PLXDC2: variants seen among roughly 807,000 people sequenced by gnomAD.
PLXDC2 encodes the protein plexin domain containing 2, also known as plexin domain-containing protein 2.
A neutral mutation model predicts 68.9 loss-of-function variants in PLXDC2; 40 were observed. That is an observed-to-expected ratio of 0.58 (90% CI 0.45 to 0.76). The LOEUF is 0.76. Among genes scored for constraint, PLXDC2 ranks in the 30% least tolerant of loss-of-function variants. The pLI is 0.00. For synonymous variants in PLXDC2, 243 were observed against 234.2 expected (o/e 1.04, Z -0.34); for missense variants, 644 against 661.9 (o/e 0.97, Z 0.30).
chr10:20,010,977 C>T (rs1363454160), intron 2 of PLXDC2, among the ~76,000 whole-genome samples: 3 of 152,158 alleles, frequency 2.0e-5, no homozygotes, highest in South Asian at 2.1e-4. Context: ...ATTTTGCAAA[C>T]ATATTTCTCT....
intron 9 of PLXDC2, among the ~76,000 whole-genome samples, chr10:20,198,476 G>A (rs938062800): frequency 2.0e-5 from 3 of 151,894 alleles, no homozygotes; most frequent in Non-Finnish European, 4.4e-5. Flanking sequence ...TGGGTACATG[G>A]TAGGTGTATA....
intron 4 of PLXDC2, among the ~76,000 whole-genome samples, chr10:20,109,564 T>C (rs1319713591): frequency 6.6e-6 from 1 of 152,190 alleles, no homozygotes; most frequent in African/African-American, 2.4e-5. Context: ...TTTGTAAGCT[T>C]AGCTCCATAA....
intron 4 of PLXDC2, among the ~76,000 whole-genome samples, chr10:20,120,211 G>C (rs915448115): frequency 9.2e-5 from 14 of 152,276 alleles, no homozygotes; most frequent in Admixed American, 7.2e-4. Context: ...CTGGTGTCTG[G>C]AATGAGACTG....
chr10:20,128,523 T>G (rs1474425962), intron 4 of PLXDC2, among the ~76,000 whole-genome samples: 1 of 152,172 alleles, frequency 6.6e-6, no homozygotes, highest in Admixed American at 6.5e-5. Flanking sequence ...ACACGTAAGA[T>G]CTATTCTTTT....
Position 20,220,790 on chromosome 10 carries a change from G to A in PLXDC2, c.1312+1688G>A, listed in dbSNP as rs998787754. ...ATGCATCCTGAGTAATCTTCAAGAC[G>A]GTTATGAAGAATTCATACTGGCATG... On this transcript the variant is annotated intron_variant, in intron 12 of 13. Coordinates refer to ENST00000377252, the MANE Select transcript of PLXDC2 (RefSeq NM_032812.9). Among the ~76,000 whole-genome samples the A allele has an allele frequency of 2.7e-4, 40 of 150,720 alleles. 1 individual carries two copies. Among genetic ancestry groups the A allele is most frequent in the Middle Eastern group, 3.6e-3 (1 of 280 alleles).
At chr10:20,026,419 G>A (rs1375770914) in intron 2 of PLXDC2, among the ~76,000 whole-genome samples, 1 of 152,034 alleles carries the variant, frequency 6.6e-6, no homozygotes, top group Non-Finnish European at 1.5e-5. Context: ...CCAATAAGAA[G>A]TCCAAACTGG....
chr10:19,836,004 T>C (rs1164834701), intron 1 of PLXDC2, among the ~76,000 whole-genome samples: 1 of 151,930 alleles, frequency 6.6e-6, no homozygotes, highest in Non-Finnish European at 1.5e-5. Flanking sequence ...AGACCCCATC[T>C]CTACAAAAAT....
chr10:19,969,739 G>A (rs1436160256), intron 1 of PLXDC2, among the ~76,000 whole-genome samples: 1 of 152,154 alleles, frequency 6.6e-6, no homozygotes, highest in African/African-American at 2.4e-5. Context: ...TCAGTAATTT[G>A]TCAGAAAAGC....
chr10:20,191,954 G>T (rs912780043), intron 9 of PLXDC2, among the ~76,000 whole-genome samples: 4 of 151,892 alleles, frequency 2.6e-5, no homozygotes, highest in Non-Finnish European at 5.9e-5. Flanking sequence ...TTTACTATGT[G>T]CCACACATTC....
chr10:20,122,542 G>A lies in PLXDC2; in HGVS notation c.542-20753G>A, dbSNP rs1036095757. ...ACAGTCCGATTTCCAGTGGAGTCCC[G>A]CACAGATGGGACGCGGCTTAGGAGG... On this transcript the variant is annotated intron_variant, in intron 4 of 13. Transcript: ENST00000377252. Among the ~76,000 whole-genome samples, 14 of 152,324 alleles carry A rather than the reference G, an allele frequency of 9.2e-5. No homozygotes were observed. The South Asian group carries it at 1.4e-3, about 16-fold the overall frequency.
chr10:20,005,428 C>G (rs1406626357), intron 2 of PLXDC2, among the ~76,000 whole-genome samples: 2 of 152,100 alleles, frequency 1.3e-5, no homozygotes, highest in Non-Finnish European at 2.9e-5. Flanking sequence ...GTTGCGGAAA[C>G]AAAAATCTAC....
rs1564656425 is a variant in PLXDC2 at position 20,012,336 on chromosome 10, G to GTTTTTTTTT, written c.324+10350_324+10351insTTTTTTTTT. On this transcript the variant is annotated intron_variant, in intron 2 of 13. Transcript: ENST00000377252. ...TTTTTTTTTTTTTTTTTTTTTTTTG[G>GTTTTTTTTT]AGAAGGAGACTTGCTGTGTTTCCCA... Among the ~76,000 whole-genome samples, 22 of 33,160 alleles carry GTTTTTTTTT rather than the reference G, an allele frequency of 6.6e-4. 9 individuals carry two copies. Among genetic ancestry groups the GTTTTTTTTT allele is most frequent in the Admixed American group, 1.4e-3 (3 of 2,082 alleles). The allele number at this position is 33,160 out of a possible 152,430, so 21.8% of individuals were successfully genotyped here.
At chr10:19,960,916 G>A (rs1834145624) in intron 1 of PLXDC2, among the ~76,000 whole-genome samples, 1 of 152,200 alleles carries the variant, frequency 6.6e-6, no homozygotes, top group East Asian at 1.9e-4. Context: ...ATCAATGGAG[G>A]CTTAAGTGTA....
At chr10:19,903,813 G>A (rs895511582) in intron 1 of PLXDC2, among the ~76,000 whole-genome samples, 1 of 151,500 alleles carries the variant, frequency 6.6e-6, no homozygotes. Context: ...TTTGATGTAG[G>A]CATGAATGCT....
intron 3 of PLXDC2, among the ~76,000 whole-genome samples, chr10:20,057,002 T>G (rs1836009661): frequency 6.6e-6 from 1 of 152,128 alleles, no homozygotes; most frequent in African/African-American, 2.4e-5. Flanking sequence ...ATGTCTCAGG[T>G]GCAATAAACA....
At chr10:20,223,513 A>G (rs1835245720) in intron 12 of PLXDC2, among the ~76,000 whole-genome samples, 1 of 151,874 alleles carries the variant, frequency 6.6e-6, no homozygotes, top group African/African-American at 2.4e-5. Context: ...GGTTTCCACC[A>G]TGTTGGCCAG....
chr10:20,080,307 G>T (rs1217139418), intron 4 of PLXDC2, among the ~76,000 whole-genome samples: 1 of 152,126 alleles, frequency 6.6e-6, no homozygotes, highest in African/African-American at 2.4e-5. Flanking sequence ...ATATGAAGGG[G>T]AGTTTATCAA....
chr10:20,202,664 G>A (rs1223858494), intron 9 of PLXDC2, among the ~76,000 whole-genome samples: 1 of 152,146 alleles, frequency 6.6e-6, no homozygotes, highest in South Asian at 2.1e-4. Flanking sequence ...ATTTCACTGT[G>A]AGAATAGTTT....
intron 1 of PLXDC2, among the ~76,000 whole-genome samples, chr10:19,873,101 A>G (rs1166173007): frequency 6.6e-6 from 1 of 152,176 alleles, no homozygotes; most frequent in Non-Finnish European, 1.5e-5. Flanking sequence ...TGTTTTTATC[A>G]TGTGCTCCAA....
Sources: allele counts gnomAD v4.1 joint callset (sites outside exome capture counted in the v4.1 genomes callset), GRCh38; gene constraint gnomAD v4.1.1; transcripts MANE v1.5; gene names NCBI Gene and HGNC (gene_info 2026-07-23, HGNC 2026-07-21).